DIP2B: variants seen among roughly 807,000 people sequenced by gnomAD.
DIP2B encodes the protein disco-interacting protein 2 homolog B.
DIP2B carries 76 observed loss-of-function variants against 198.0 expected under a neutral mutation model. The observed-to-expected ratio is 0.38, with a 90% confidence interval of 0.32 to 0.46. The LOEUF is 0.46. Among genes scored for constraint, DIP2B ranks in the 20% least tolerant of loss-of-function variants. DIP2B has a pLI of 0.99. For missense variants in DIP2B, 1,559 were observed against 1,978.4 expected (o/e 0.79, Z 4.02); for synonymous variants, 701 against 739.1 (o/e 0.95, Z 0.84).
intron 1 of DIP2B, among the ~76,000 whole-genome samples, chr12:50,513,899 A>G (rs1234453937): frequency 6.7e-6 from 1 of 149,908 alleles, no homozygotes; most frequent in Non-Finnish European, 1.5e-5. Context: ...AGTGTTCTTG[A>G]TCTTCTTTTC....
At chr12:50,513,290 A>G (rs1958034517) in intron 1 of DIP2B, among the ~76,000 whole-genome samples, 2 of 152,220 alleles carry the variant, frequency 1.3e-5, no homozygotes, top group Admixed American at 1.3e-4. Flanking sequence ...GTTGGCACCT[A>G]TACCCTATAC....
At chr12:50,590,849 C>T (rs1228694640) in intron 1 of DIP2B, among the ~76,000 whole-genome samples, 1 of 152,158 alleles carries the variant, frequency 6.6e-6, no homozygotes, top group African/African-American at 2.4e-5. Context: ...ATCTAGGAAA[C>T]TCCACTTTCA....
intron 1 of DIP2B, among the ~76,000 whole-genome samples, chr12:50,511,248 T>G (rs901073104): frequency 6.6e-6 from 1 of 150,802 alleles, no homozygotes; most frequent in Non-Finnish European, 1.5e-5. Flanking sequence ...CAGGCTCAAG[T>G]ACCACCTTTT....
chr12:50,674,123 C>T (rs972452550), intron 5 of DIP2B, among the ~76,000 whole-genome samples: 2 of 152,026 alleles, frequency 1.3e-5, no homozygotes, highest in African/African-American at 4.8e-5. Context: ...TATTTGGTTC[C>T]ATTTTGAGGT....
chr12:50,688,792 C>G (rs1939174100), intron 12 of DIP2B, among the ~76,000 whole-genome samples: 1 of 152,240 alleles, frequency 6.6e-6, no homozygotes, highest in Non-Finnish European at 1.5e-5. Context: ...GGACTCCTCT[C>G]TCAGTTCCTC....
chr12:50,665,239 G>A (rs894744129), intron 4 of DIP2B, among the ~76,000 whole-genome samples: 8 of 152,092 alleles, frequency 5.3e-5, no homozygotes, highest in Admixed American at 2.0e-4. Context: ...GTACATTATG[G>A]TATGCAAAGA....
intron 17 of DIP2B, among the ~76,000 whole-genome samples, chr12:50,697,804 G>A (rs1282160813): frequency 6.6e-6 from 1 of 151,262 alleles, no homozygotes; most frequent in Non-Finnish European, 1.5e-5. Flanking sequence ...TGCTGGGATT[G>A]TAAGCATGAG....
At chr12:50,624,534 G>A (rs954628817) in intron 1 of DIP2B, among the ~76,000 whole-genome samples, 5 of 152,040 alleles carry the variant, frequency 3.3e-5, no homozygotes, top group Admixed American at 2.0e-4. Context: ...GGGTTTCACC[G>A]TGTTGGCCAG....
At chr12:50,511,291 A>ATTTATTTTT (rs1958013727) in intron 1 of DIP2B, among the ~76,000 whole-genome samples, 1 of 64,664 alleles carries the variant, frequency 1.5e-5, no homozygotes, top group East Asian at 6.0e-4. Flanking sequence ...TGTGATTTCT[A>ATTTATTTTT]TTTTTTTTTT....
chr12:50,679,044 C>A, intron 8 of DIP2B, 168 bp downstream of exon 8: 1 of 778,516 alleles, frequency 1.3e-6, no homozygotes. Context: ...CAAATATTTT[C>A]ATTTGCTAAA....
At chr12:50,574,585 T>G (rs1284040964) in intron 1 of DIP2B, among the ~76,000 whole-genome samples, 1 of 152,166 alleles carries the variant, frequency 6.6e-6, no homozygotes, top group Non-Finnish European at 1.5e-5. Context: ...TATCCCAAAT[T>G]TACCAGTCAG....
At chr12:50,734,001 G>T (rs1940094177) in intron 32 of DIP2B, 134 bp from the exon 33 acceptor site, 4 of 839,554 alleles carry the variant, frequency 4.8e-6, no homozygotes, top group South Asian at 2.7e-5. Flanking sequence ...AGAGCAGGGG[G>T]CCTACTCTCA....
rs1308238166 is a variant in DIP2B, at chr12:50,528,605, TC to T, written c.100+23367del. 3.3e-5 allele frequency among the ~76,000 whole-genome samples: 5 copies of T among 152,166 alleles called. No homozygotes were observed. The East Asian group carries it at 9.6e-4, about 29-fold the overall frequency. On this transcript the variant is annotated intron_variant, in intron 1 of 37. Transcript: ENST00000301180. ...TGGGCATATGGACCCAAATGTGTTTTCCAGCTTTATCTAAAGCAGGATGATA... is the reference window on the plus strand; with the variant it reads ...TGGGCATATGGACCCAAATGTGTTTTCAGCTTTATCTAAAGCAGGATGATA...
chr12:50,528,101 A>AT (rs1424573889), intron 1 of DIP2B, among the ~76,000 whole-genome samples: 5 of 151,790 alleles, frequency 3.3e-5, no homozygotes, highest in Non-Finnish European at 7.4e-5. Context: ...CTAGGTTTAA[A>AT]TTTTTTGTGG....
chr12:50,667,454 T>G (rs889839640), intron 4 of DIP2B, among the ~76,000 whole-genome samples: 6 of 152,218 alleles, frequency 3.9e-5, no homozygotes, highest in African/African-American at 1.2e-4. Flanking sequence ...TTCTACAAAT[T>G]CATAACAATT....
At chr12:50,571,986 A>G (rs1958619196) in intron 1 of DIP2B, among the ~76,000 whole-genome samples, 1 of 152,224 alleles carries the variant, frequency 6.6e-6, no homozygotes, top group Non-Finnish European at 1.5e-5. Context: ...AAAGACATTT[A>G]TGGATGCAGC....
At chr12:50,539,241 T>A in intron 1 of DIP2B, among the ~76,000 whole-genome samples, 1 of 151,370 alleles carries the variant, frequency 6.6e-6, no homozygotes, top group East Asian at 1.9e-4. Flanking sequence ...TTTTTCTTTT[T>A]TTTTTTTTTG....
chr12:50,691,158 C>T lies in DIP2B; in HGVS notation c.1654+7C>T. 6.2e-7 allele frequency: 1 copy of T among 1,613,274 alleles called. No individual in the cohort carries two copies. The highest frequency in any genetic ancestry group is 8.5e-7 in the Non-Finnish European group (1 of 1,179,318). On this transcript the variant is annotated splice_region_variant and intron_variant, in intron 13 of 37. Transcript: ENST00000301180. Reference sequence around the variant, plus strand: ...GCCTGCAATTATTCTGAAGGTCAGACCTCATCCCATGACTGCCCTCATTGT... The same window carrying T: ...GCCTGCAATTATTCTGAAGGTCAGATCTCATCCCATGACTGCCCTCATTGT...
At chr12:50,642,385 T>C (rs1022644141) in intron 3 of DIP2B, among the ~76,000 whole-genome samples, 3 of 152,142 alleles carry the variant, frequency 2.0e-5, no homozygotes, top group Non-Finnish European at 2.9e-5. Flanking sequence ...ATCATCAGAT[T>C]TGTATTTGTT....
Sources: gnomAD v4.1 joint callset for allele counts (sites outside exome capture counted in the v4.1 genomes callset) on GRCh38, gnomAD v4.1.1 for gene constraint, MANE v1.5 for transcripts, NCBI Gene and HGNC (gene_info 2026-07-23, HGNC 2026-07-21) for gene names.